The following STYX variants were observed in gnomAD, a reference collection of about 807,000 sequenced individuals.
The protein encoded by STYX is serine/threonine/tyrosine interacting protein, also known as serine/threonine/tyrosine-interacting protein.
In STYX, 20 loss-of-function variants were observed where a neutral mutation model predicts 42.7. The ratio of observed to expected loss-of-function variants is 0.47; its 90% CI spans 0.33 to 0.68. STYX has a LOEUF of 0.68. Among genes scored for constraint, STYX ranks in the 30% least tolerant of loss-of-function variants. The pLI, the probability that STYX is intolerant of heterozygous loss-of-function variation, is 0.02. For missense variants in STYX, 226 were observed against 268.5 expected (o/e 0.84, Z 1.11); for synonymous variants, 78 against 81.9 (o/e 0.95, Z 0.26).
At chr14:52,766,740 C>G (rs994868064) in intron 9 of STYX, among the ~76,000 whole-genome samples, 9 of 151,838 alleles carry the variant, frequency 5.9e-5, no homozygotes, top group Non-Finnish European at 1.0e-4. Flanking sequence ...TTTGGTTGTT[C>G]TGTTTCTTTT....
Position 52,730,269 on chromosome 14 carries a change from C to A in STYX, c.-206C>A, listed in dbSNP as rs1026446232. 89 of 588,800 alleles carry A rather than the reference C, an allele frequency of 1.5e-4. No homozygotes were observed. Among genetic ancestry groups the A allele is most frequent in the African/African-American group, 1.4e-3 (74 of 52,728 alleles). 36.5% of individuals were successfully genotyped at this position (588,800 alleles called of 1,614,324 possible). On this transcript the variant is annotated 5_prime_UTR_variant, in exon 1 of 11. Transcript: ENST00000354586. Reference sequence around the variant, plus strand: ...GCATGGCGGCCGGGTGTAAGACGCCCGACCCTCCTCTTCCCTGTCTTCGCC... The same window carrying A: ...GCATGGCGGCCGGGTGTAAGACGCCAGACCCTCCTCTTCCCTGTCTTCGCC...
intron 1 of STYX, among the ~76,000 whole-genome samples, chr14:52,743,995 T>G (rs1881300693): frequency 6.6e-6 from 1 of 152,154 alleles, no homozygotes; most frequent in African/African-American, 2.4e-5. Context: ...CGAATTTTTT[T>G]GTATTTTTAG....
At chr14:52,761,934 A>G (rs1055040148) in intron 9 of STYX, among the ~76,000 whole-genome samples, 3 of 149,940 alleles carry the variant, frequency 2.0e-5, no homozygotes, top group African/African-American at 7.4e-5. Flanking sequence ...AATCCCAGCT[A>G]CTTGGGAGGC....
chr14:52,766,269 C>T (rs1321763213), intron 9 of STYX, among the ~76,000 whole-genome samples: 7 of 152,094 alleles, frequency 4.6e-5, no homozygotes, highest in Non-Finnish European at 1.0e-4. Context: ...TGGGTTAAAG[C>T]GATTCTTCTG....
chr14:52,733,915 G>A (rs1425932800), intron 1 of STYX, among the ~76,000 whole-genome samples: 1 of 151,958 alleles, frequency 6.6e-6, no homozygotes, highest in African/African-American at 2.4e-5. Flanking sequence ...CCCGACCCCC[G>A]CTGCTTTACC....
At chr14:52,762,789 T>C (rs1882142666) in intron 9 of STYX, among the ~76,000 whole-genome samples, 1 of 152,066 alleles carries the variant, frequency 6.6e-6, no homozygotes, top group African/African-American at 2.4e-5. Flanking sequence ...TTTCATTCAT[T>C]CATATATTTT....
In STYX at chr14:52,730,529, G is replaced by A. The variant is rs145994294; in HGVS notation, c.55G>A (p.Glu19Lys). The change falls in exon 1 of 11, where the codon GAG becomes AAG. Residue 19 changes from glutamate to lysine, a missense_variant and splice_region_variant. Glu to Lys is a moderately conservative substitution (Grantham distance 56). Transcript: ENST00000354586. ...PSLPQCKEDA[E>K]EWTYPMRREM... ...CCTTCCACAGTGCAAGGAAGACGCC[G>A]AGGTGAGTCGCTCCCGTGGCTGCCA... is the stretch of plus-strand genomic sequence containing the variant. 5.2e-5 allele frequency: 84 copies of A among 1,613,110 alleles called. No individual in the cohort carries two copies. The highest frequency in any genetic ancestry group is 6.9e-5 in the Non-Finnish European group (81 of 1,179,756).
chr14:52,758,394 C>G (rs1881959506), intron 8 of STYX, among the ~76,000 whole-genome samples: 1 of 152,058 alleles, frequency 6.6e-6, no homozygotes, highest in Non-Finnish European at 1.5e-5. Context: ...TGCCCCAAGA[C>G]AAAGCAAAAG....
chr14:52,757,490 C>T (rs1182770047), intron 6 of STYX, 135 bp downstream of exon 6: 1 of 881,548 alleles, frequency 1.1e-6, no homozygotes, highest in Non-Finnish European at 1.7e-6. Flanking sequence ...TTTGTATTTT[C>T]CCAATTACTT....
intron 5 of STYX, 142 bp downstream of exon 5, chr14:52,756,753 T>C: frequency 2.2e-6 from 1 of 445,522 alleles, no homozygotes; most frequent in Non-Finnish European, 3.9e-6. Context: ...AATGGCGCAA[T>C]CTTGGCTCAC....
intron 1 of STYX, among the ~76,000 whole-genome samples, chr14:52,740,203 G>A (rs1449652277): frequency 6.6e-6 from 1 of 152,128 alleles, no homozygotes; most frequent in Admixed American, 6.5e-5. Context: ...TTGAACCTGG[G>A]AAGCGGAGGT....
chr14:52,738,179 C>T (rs1471609991), intron 1 of STYX, among the ~76,000 whole-genome samples: 2 of 152,150 alleles, frequency 1.3e-5, no homozygotes, highest in Non-Finnish European at 2.9e-5. Context: ...AGGAATAGTT[C>T]CAAATGAACT....
chr14:52,758,391 A>G (rs1266011890), intron 8 of STYX, among the ~76,000 whole-genome samples: 2 of 152,154 alleles, frequency 1.3e-5, no homozygotes, highest in Non-Finnish European at 2.9e-5. Context: ...TCTTGCCCCA[A>G]GACAAAGCAA....
chr14:52,751,652 T>G (rs188555734), intron 4 of STYX, among the ~76,000 whole-genome samples: 150 of 152,338 alleles, frequency 9.8e-4, no homozygotes, highest in Non-Finnish European at 1.8e-3. Context: ...GATGTTCTTA[T>G]TTATCTTGTA....
chr14:52,770,291 A>C (rs1882462147), intron 10 of STYX, among the ~76,000 whole-genome samples: 1 of 152,144 alleles, frequency 6.6e-6, no homozygotes, highest in South Asian at 2.1e-4. Context: ...TGCCCTCTGA[A>C]TTAACATTAT....
intron 9 of STYX, among the ~76,000 whole-genome samples, 193 bp from the exon 10 acceptor site, chr14:52,768,647 G>A (rs1177684906): frequency 6.6e-6 from 1 of 151,734 alleles, no homozygotes; most frequent in Non-Finnish European, 1.5e-5. Flanking sequence ...CTATTAGCCG[G>A]GCTTGATTTA....
intron 1 of STYX, among the ~76,000 whole-genome samples, chr14:52,741,770 C>T (rs191226535): frequency 1.3e-5 from 2 of 152,084 alleles, no homozygotes; most frequent in African/African-American, 4.8e-5. Flanking sequence ...AATTATACTT[C>T]TTATTTCTAC....
chr14:52,750,804 T>C, intron 4 of STYX, 24 bp downstream of exon 4: 2 of 1,427,240 alleles, frequency 1.4e-6, no homozygotes, highest in Non-Finnish European at 1.9e-6. Context: ...CTATGATTTG[T>C]AAAACACTTA....
intron 5 of STYX, among the ~76,000 whole-genome samples, chr14:52,757,002 G>A (rs1881897960): frequency 6.6e-6 from 1 of 152,128 alleles, no homozygotes; most frequent in South Asian, 2.1e-4. Flanking sequence ...AATTGTGCTT[G>A]TAAAGCTTGC....
Sources: allele counts gnomAD v4.1 joint callset (sites outside exome capture counted in the v4.1 genomes callset), GRCh38; gene constraint gnomAD v4.1.1; transcripts MANE v1.5; gene names NCBI Gene and HGNC (gene_info 2026-07-23, HGNC 2026-07-21).